Variants in COL13A1 observed in about 807,000 individuals in gnomAD.
COL13A1 encodes the protein collagen type XIII alpha 1 chain.
Under a neutral mutation model 130.9 loss-of-function variants are expected in COL13A1, and 89 were observed. The observed-to-expected ratio is 0.68, with a 90% CI of 0.57 to 0.81. COL13A1 has a LOEUF of 0.81. Among genes scored for constraint, COL13A1 ranks in the 30% least tolerant of loss-of-function variants. The pLI, the probability that COL13A1 is intolerant of heterozygous loss-of-function variation, is 0.00. For synonymous variants in COL13A1, 402 were observed against 341.6 expected, an observed-to-expected ratio of 1.18 and a Z score of -1.95; for missense variants, 879 against 934.6, an observed-to-expected ratio of 0.94 and a Z score of 0.78.
chr10:69,937,270 C>T (rs4746935), intron 33 of COL13A1, among the ~76,000 whole-genome samples: 50,718 of 152,048 alleles, frequency 0.33, 8,471 homozygotes, highest in East Asian at 0.41. Context: ...AGTTTGTTCT[C>T]CCGACTAGGC....
chr10:69,814,872 A>G (rs142571038), intron 1 of COL13A1, among the ~76,000 whole-genome samples: 54 of 152,366 alleles, frequency 3.5e-4, no homozygotes, highest in African/African-American at 1.3e-3. Context: ...TAATAATGTC[A>G]AAAATCAATT....
chr10:69,878,032 G>A lies in COL13A1; in HGVS notation c.436-7G>A, dbSNP rs1326814817. 6 of 702,912 alleles carry A rather than the reference G, an allele frequency of 8.5e-6. No individual in the cohort carries two copies. The highest frequency in any genetic ancestry group is 6.0e-5 in the Admixed American group (3 of 50,008). 43.5% of individuals were successfully genotyped at this position (702,912 alleles called of 1,614,324 possible). A position where few individuals can be genotyped will look rare whatever the true frequency, so the allele number is the denominator to read the frequency against. ...CCTGCACCCTGTGTTGCATGTGGCT[G>A]CCCCAGGGAGTAAAGGGCCAACCAG... On this transcript the variant is annotated splice_region_variant and splice_polypyrimidine_tract_variant and intron_variant, in intron 5 of 40. Transcript: ENST00000645393.
chr10:69,840,337 T>C (rs1489710030), intron 2 of COL13A1, among the ~76,000 whole-genome samples: 3 of 152,100 alleles, frequency 2.0e-5, no homozygotes, highest in African/African-American at 7.2e-5. Context: ...CGGGGTCCTT[T>C]AAGTTGCGTG....
At chr10:69,817,717 C>T (rs1055759967) in intron 1 of COL13A1, among the ~76,000 whole-genome samples, 36 of 151,806 alleles carry the variant, frequency 2.4e-4, no homozygotes, top group African/African-American at 8.0e-4. Context: ...TAATCACTGG[C>T]CACAGAATTT....
intron 4 of COL13A1, 70 bp from the exon 5 acceptor site, chr10:69,875,058 C>T: frequency 6.2e-7 from 1 of 1,600,640 alleles, no homozygotes; most frequent in Admixed American, 1.7e-5. Context: ...GCACAGTTTG[C>T]CTATAGGGTC....
chr10:69,950,600 T>C (rs1470789964), intron 38 of COL13A1, among the ~76,000 whole-genome samples: 1 of 152,210 alleles, frequency 6.6e-6, no homozygotes, highest in Non-Finnish European at 1.5e-5. Context: ...AAATAGCTAG[T>C]GGTTTTGCTG....
intron 2 of COL13A1, among the ~76,000 whole-genome samples, chr10:69,860,289 A>G (rs1407387976): frequency 6.6e-6 from 1 of 152,242 alleles, no homozygotes; most frequent in Non-Finnish European, 1.5e-5. Flanking sequence ...GGTCAGGGAC[A>G]GCGGGTGACC....
Position 69,889,109 on chromosome 10 carries a change from C to T in COL13A1, c.577-305C>T, listed in dbSNP as rs74327211. Among the ~76,000 whole-genome samples the T allele has an allele frequency of 0.072, 10,953 of 152,282 alleles. 470 individuals are homozygous for T. Among genetic ancestry groups the T allele is most frequent in the East Asian group, 0.15 (799 of 5,166 alleles). ...CTCATGTCACGGGACCAGGCATCCC[C>T]CGAAGCTACCCTGGACATGTGAATG... On this transcript the variant is annotated intron_variant, in intron 9 of 40. Coordinates refer to ENST00000645393, the MANE Select transcript of COL13A1 (RefSeq NM_001368882.1).
At chr10:69,938,433 T>C (rs960401277) in intron 34 of COL13A1, among the ~76,000 whole-genome samples, 2 of 152,158 alleles carry the variant, frequency 1.3e-5, no homozygotes, top group Non-Finnish European at 2.9e-5. Context: ...GTTGGCATTC[T>C]TCCAAGAGCT....
intron 5 of COL13A1, among the ~76,000 whole-genome samples, chr10:69,875,461 G>A (rs1053697042): frequency 2.0e-5 from 3 of 152,176 alleles, no homozygotes; most frequent in African/African-American, 7.2e-5. Flanking sequence ...GGGAACGGCA[G>A]GAACAAACTG....
rs554293812 is a variant in COL13A1 at position 69,945,874 on chromosome 10, T to C, written c.2022+150T>C. ...CATCACGAGGTCAGGAGATCAAGAC[T>C]ATCCTGGCCAACACGGTGAAACCCC... On this transcript the variant is annotated intron_variant, in intron 37 of 40. Coordinates refer to ENST00000645393, the MANE Select transcript of COL13A1 (RefSeq NM_001368882.1). 9.7e-5 allele frequency: 92 copies of C among 952,588 alleles called. No individual in the cohort carries two copies. The African/African-American group carries it at 1.1e-3, about 11-fold the overall frequency. The allele number at this position is 952,588 out of a possible 1,614,324, so 59.0% of individuals were successfully genotyped here.
intron 17 of COL13A1, among the ~76,000 whole-genome samples, chr10:69,907,897 A>G (rs1437404293): frequency 6.6e-6 from 1 of 152,232 alleles, no homozygotes; most frequent in Non-Finnish European, 1.5e-5. Flanking sequence ...TAATCTAATC[A>G]CCTCTTAAAG....
intron 17 of COL13A1, among the ~76,000 whole-genome samples, chr10:69,906,722 G>GT (rs1565018604): frequency 6.6e-6 from 1 of 151,766 alleles, no homozygotes; most frequent in Admixed American, 6.6e-5. Context: ...TTGTTTGTTT[G>GT]TTTTTTGTTT....
At chr10:69,902,624 C>A (rs41277960) in intron 14 of COL13A1, 124 bp from the exon 15 acceptor site, 17,946 of 697,482 alleles carry the variant, frequency 0.026, 301 homozygotes, top group Non-Finnish European at 0.035. Flanking sequence ...CGCTTCCTCC[C>A]CCCATCACCA....
intron 2 of COL13A1, among the ~76,000 whole-genome samples, chr10:69,856,121 T>G (rs1294914408): frequency 6.6e-6 from 1 of 152,200 alleles, no homozygotes; most frequent in African/African-American, 2.4e-5. Flanking sequence ...TTTCACAGGT[T>G]TTGTTTGGCC....
At chr10:69,843,133 C>G (rs1056537317) in intron 2 of COL13A1, among the ~76,000 whole-genome samples, 1 of 152,068 alleles carries the variant, frequency 6.6e-6, no homozygotes, top group African/African-American at 2.4e-5. Flanking sequence ...GAGAGGGGGC[C>G]CAGAGAGGTG....
chr10:69,934,129 A>C (rs1411119339), intron 31 of COL13A1, among the ~76,000 whole-genome samples: 2 of 151,996 alleles, frequency 1.3e-5, no homozygotes, highest in Admixed American at 1.3e-4. Context: ...AAATGTTTAA[A>C]TTTTCTCTTT....
intron 26 of COL13A1, chr10:69,926,107 C>A: frequency 3.8e-6 from 2 of 520,350 alleles, no homozygotes; most frequent in East Asian, 3.1e-5. Context: ...TGTCTGGGCC[C>A]AGCTGGCCAG....
In COL13A1 at chr10:69,904,898, CTTTTTTCTTTT is replaced by C. The variant is rs1565011845; in HGVS notation, c.859-28_859-18del. The C allele has an allele frequency of 5.3e-5, 80 of 1,516,372 alleles. No homozygotes were observed. The East Asian group carries it at 2.0e-3, about 37-fold the overall frequency. The allele number at this position is 1,516,372 out of a possible 1,614,324, so 93.9% of individuals were successfully genotyped here. Reference sequence around the variant, plus strand: ...CCCCAACCAGCTCTACTCACCTTTTCTTTTTTCTTTTTTTTTTTTTTTTTGCTTCCACAGGG... The same window carrying C: ...CCCCAACCAGCTCTACTCACCTTTTCTTTTTTTTTTTTTGCTTCCACAGGG... On this transcript the variant is annotated intron_variant, in intron 15 of 40. Transcript: ENST00000645393.
Sources: allele counts gnomAD v4.1 joint callset (sites outside exome capture counted in the v4.1 genomes callset), GRCh38; gene constraint gnomAD v4.1.1; transcripts MANE v1.5; gene names NCBI Gene and HGNC (gene_info 2026-07-23, HGNC 2026-07-21).